Variants in TULP2 observed in about 807,000 individuals in gnomAD.
TULP2 encodes tubby-related protein 2.
TULP2 carries 64 observed loss-of-function variants against 60.3 expected under a neutral mutation model. The ratio of observed to expected loss-of-function variants is 1.06; its 90% CI spans 0.87 to 1.31. The LOEUF is 1.31. TULP2 is among the 50% of genes most tolerant of loss of function. The pLI is 0.00. For synonymous variants in TULP2, 267 were observed against 265.4 expected (o/e 1.01, Z -0.06); for missense variants, 652 against 667.0 (o/e 0.98, Z 0.25).
intron 6 of TULP2, among the ~76,000 whole-genome samples, chr19:48,894,704 G>A (rs1171452702): frequency 6.6e-6 from 1 of 152,132 alleles, no homozygotes; most frequent in Non-Finnish European, 1.5e-5. Context: ...AAGTTATCTA[G>A]AGATGACTTA....
Position 48,887,978 on chromosome 19 carries a change from AG to A in TULP2, c.919del (p.Leu307SerfsTer63). ...CAGGCTGTCAGAGGTCTCCAGGTAG[AG>A]GTAGTAGAGGGGGAACAAGCCCTTG... is the stretch of plus-strand genomic sequence containing the variant. ...VDKGLFPLYY[L>X]YLETSDSLQR... is the part of the protein sequence containing the mutation. On this transcript the variant is annotated frameshift_variant, in exon 8 of 13. Transcript: ENST00000221399. LOFTEE classifies it high-confidence loss of function. The A allele has an allele frequency of 6.2e-7, 1 of 1,613,484 alleles. No individual in the cohort carries two copies. Among genetic ancestry groups the A allele is most frequent in the Non-Finnish European group, 8.5e-7 (1 of 1,179,480 alleles).
intron 11 of TULP2, among the ~76,000 whole-genome samples, chr19:48,883,143 G>A (rs568005062): frequency 6.6e-6 from 1 of 151,732 alleles, no homozygotes; most frequent in Non-Finnish European, 1.5e-5. Flanking sequence ...GGCGTGAGCC[G>A]GGGAGGTCGA....
At position 48,881,248 on chromosome 19, in the gene TULP2, C is replaced by T. The variant is rs536460275; in HGVS notation, c.1448-122G>A. On this transcript the variant is annotated intron_variant, in intron 12 of 12. Coordinates refer to ENST00000221399, the MANE Select transcript of TULP2 (RefSeq NM_003323.3). The stretch of plus-strand genomic sequence containing the variant: ...TTTTTGAGACAGAGTCTTGCTCTGT[C>T]GCCCAGGCTGGAGTGCAGTGACCTG... 18 of 608,546 alleles carry T rather than the reference C, an allele frequency of 3.0e-5. No individual in the cohort carries two copies. The East Asian group carries it at 5.1e-4, about 17-fold the overall frequency. The allele number at this position is 608,546 out of a possible 1,614,324, so 37.7% of individuals were successfully genotyped here. A position where few individuals can be genotyped will look rare whatever the true frequency, so the allele number is the denominator to read the frequency against.
intron 5 of TULP2, 73 bp from the exon 6 acceptor site, chr19:48,895,235 T>C (rs1034780387): frequency 1.9e-6 from 3 of 1,577,074 alleles, no homozygotes; most frequent in Non-Finnish European, 2.6e-6. Flanking sequence ...CTGAACTCCT[T>C]GGTGTGAGGA....
In TULP2 at chr19:48,888,083, A is replaced by G. The variant is rs776527527; in HGVS notation, c.815T>C (p.Met272Thr). 4.3e-6 allele frequency: 7 copies of G among 1,614,080 alleles called. No individual in the cohort carries two copies. The highest frequency in any genetic ancestry group is 5.9e-6 in the Non-Finnish European group (7 of 1,180,036). Reference sequence around the variant, plus strand: ...CGCTGGCCGCAGCACGTAGGCTTCCATGTCCTCCTCCAGCCCAGGGCAGGG... The same window carrying G: ...CGCTGGCCGCAGCACGTAGGCTTCCGTGTCCTCCTCCAGCCCAGGGCAGGG... The part of the protein sequence containing the change: ...RSPCPGLEED[M>T]EAYVLRPALP... The change falls in exon 8 of 13, where the codon ATG becomes ACG. Residue 272 changes from methionine to threonine, a missense_variant. Physicochemically the swap from Met to Thr is moderately conservative, Grantham distance 81 (BLOSUM62 -1). Coordinates refer to ENST00000221399, the MANE Select transcript of TULP2 (RefSeq NM_003323.3).
In TULP2 at chr19:48,896,414, A is replaced by AG. The variant is rs753712726; in HGVS notation, c.211+15dup. 9 of 1,591,024 alleles carry AG rather than the reference A, an allele frequency of 5.7e-6. No individual in the cohort carries two copies. In the Admixed American group the frequency reaches 1.6e-4, roughly 29 times the overall value. ...CCCTCCCCTCCAGGCGAACGCCCCC[A>AG]GGGGTCTTTGGTCACCTCTGTCACC... On this transcript the variant is annotated intron_variant, in intron 4 of 12. Coordinates refer to ENST00000221399, the MANE Select transcript of TULP2 (RefSeq NM_003323.3).
intron 8 of TULP2, among the ~76,000 whole-genome samples, chr19:48,886,570 G>T (rs1364240189): frequency 6.6e-6 from 1 of 152,028 alleles, no homozygotes; most frequent in Non-Finnish European, 1.5e-5. Context: ...TTTCTAGGGG[G>T]AGAGAGGATA....
intron 9 of TULP2, among the ~76,000 whole-genome samples, chr19:48,884,872 C>T (rs1175425032): frequency 6.7e-6 from 1 of 150,346 alleles, no homozygotes; most frequent in African/African-American, 2.5e-5. Context: ...TTTATGTAGC[C>T]TCCCTATTTT....
Position 48,896,434 on chromosome 19 carries a change from G to A in TULP2, c.207C>T (p.Asp69=). The A allele has an allele frequency of 6.2e-7, 1 of 1,607,050 alleles. No homozygotes were observed. The highest frequency in any genetic ancestry group is 8.5e-7 in the Non-Finnish European group (1 of 1,177,746). Residue 69 remains aspartate (D), a synonymous_variant, in exon 4 of 13, where the codon GAC becomes GAT. Transcript: ENST00000221399. ...CCCCCAGGGGTCTTTGGTCACCTCT[G>A]TCACCTAAAAGGCGCTCCTCCCGCA... The part of the protein sequence containing the change: ...SCLREERLLG[D]RGLGNPFLRK...
chr19:48,889,157 C>G (rs1568572727), intron 7 of TULP2, among the ~76,000 whole-genome samples: 1 of 150,728 alleles, frequency 6.6e-6, no homozygotes, highest in South Asian at 2.1e-4. Context: ...TTGTATTTTA[C>G]TAGAGACAGG....
rs758206503 is a variant in TULP2, at chr19:48,885,473, C to T, written c.1036G>A (p.Gly346Arg). ...CTGACTTTGCCCACGAAATTGTCCC[C>T]GTCCCGAGATAGGTGTGTAGGATCC... The part of the protein sequence containing the change: ...SLDPTHLSRD[G>R]DNFVGKVRSN... Residue 346 changes from glycine (G) to arginine (R), a missense_variant, in exon 9 of 13, where the codon GGG (glycine) becomes AGG (arginine). By Grantham distance (125) the Gly-to-Arg change is moderately radical. Coordinates refer to ENST00000221399, the MANE Select transcript of TULP2 (RefSeq NM_003323.3). 9 of 1,613,956 alleles carry T rather than the reference C, an allele frequency of 5.6e-6. No individual in the cohort carries two copies. The highest frequency in any genetic ancestry group is 7.6e-6 in the Non-Finnish European group (9 of 1,179,912).
chr19:48,895,297 G>A (rs1339708828), intron 5 of TULP2, 69 bp downstream of exon 5: 17 of 1,587,358 alleles, frequency 1.1e-5, no homozygotes, highest in Non-Finnish European at 1.5e-5. Context: ...ATGGATTGAG[G>A]CACCAGACTC....
chr19:48,894,431 A>C (rs2122139858), intron 6 of TULP2, among the ~76,000 whole-genome samples: 1 of 152,258 alleles, frequency 6.6e-6, no homozygotes, highest in East Asian at 1.9e-4. Flanking sequence ...TCATGAGGTC[A>C]GGAGTTTAAG....
At chr19:48,888,920 C>A (rs1052024748) in intron 7 of TULP2, among the ~76,000 whole-genome samples, 29 of 149,406 alleles carry the variant, frequency 1.9e-4, no homozygotes. Flanking sequence ...CCGTTCCTGG[C>A]CTGCAACTGG....
At chr19:48,883,629 T>G in intron 11 of TULP2, 125 bp downstream of exon 11, 1 of 969,720 alleles carries the variant, frequency 1.0e-6, no homozygotes, top group South Asian at 1.5e-5. Context: ...CCTTCAGGCT[T>G]CATGTGACAC....
chr19:48,881,305 G>A (rs1366972199), intron 12 of TULP2, among the ~76,000 whole-genome samples, 179 bp from the exon 13 acceptor site: 1 of 148,214 alleles, frequency 6.7e-6, no homozygotes, highest in Non-Finnish European at 1.5e-5. Context: ...CACCTCCCAG[G>A]TTCAAGCAGT....
In TULP2 at chr19:48,888,049, G is replaced by T. The variant is rs1200475427; in HGVS notation, c.849C>A (p.Gly283=). The T allele has an allele frequency of 6.2e-7, 1 of 1,614,196 alleles. No homozygotes were observed. The highest frequency in any genetic ancestry group is 8.5e-7 in the Non-Finnish European group (1 of 1,180,042). The change falls in exon 8 of 13, where the codon GGC becomes GGA. Residue 283 remains glycine, a synonymous_variant. Transcript: ENST00000221399. ...EAYVLRPALP[G]TMMQCYLTRD... is the part of the protein sequence containing the mutation. ...GGGTGAGGTAGCACTGCATCATGGTGCCCGGGAGCGCTGGCCGCAGCACGT... is the reference window on the plus strand; with the variant it reads ...GGGTGAGGTAGCACTGCATCATGGTTCCCGGGAGCGCTGGCCGCAGCACGT...
chr19:48,882,280 G>A, intron 11 of TULP2, 77 bp from the exon 12 acceptor site: 1 of 1,518,072 alleles, frequency 6.6e-7, no homozygotes. Flanking sequence ...ACTCCATCTT[G>A]AACAGGGGCG....
intron 6 of TULP2, among the ~76,000 whole-genome samples, chr19:48,892,866 G>T (rs10422914): frequency 0.19 from 28,713 of 151,386 alleles, 3,487 homozygotes; most frequent in African/African-American, 0.35. Context: ...ACAAAGTAAC[G>T]ATCTGATCTC....
Sources: gnomAD v4.1 joint callset for allele counts (sites outside exome capture counted in the v4.1 genomes callset) on GRCh38, gnomAD v4.1.1 for gene constraint, MANE v1.5 for transcripts, NCBI Gene and HGNC (gene_info 2026-07-23, HGNC 2026-07-21) for gene names.